FOXRED2: variants seen among roughly 807,000 people sequenced by gnomAD.
FOXRED2 encodes FAD dependent oxidoreductase domain containing 2.
Under a neutral mutation model 52.5 loss-of-function variants are expected in FOXRED2, and 32 were observed. That is an observed-to-expected ratio of 0.61 (90% CI 0.46 to 0.82). FOXRED2 has a LOEUF of 0.82. Among genes scored for constraint, FOXRED2 ranks in the 40% least tolerant of loss-of-function variants. FOXRED2 has a pLI of 0.00. For missense variants in FOXRED2, 848 were observed against 937.5 expected (o/e 0.90, Z 1.25); for synonymous variants, 405 against 398.1 (o/e 1.02, Z -0.21).
chr22:36,489,800 C>T lies in FOXRED2; in HGVS notation c.*208G>A, dbSNP rs1933700447. On this transcript the variant is annotated 3_prime_UTR_variant, in exon 9 of 9. Transcript: ENST00000397224. The stretch of plus-strand genomic sequence containing the variant: ...CCACCTGGCAGAGGATGCCCTTCTG[C>T]CCCCTGACAGGAGGGAGGAGACCAC... 4.1e-6 allele frequency: 2 copies of T among 488,434 alleles called. No individual in the cohort carries two copies. Among genetic ancestry groups the T allele is most frequent in the South Asian group, 7.4e-5 (2 of 27,046 alleles). The allele number at this position is 488,434 out of a possible 1,614,324, so 30.3% of individuals were successfully genotyped here.
At chr22:36,492,926 A>G (rs1342713954) in intron 8 of FOXRED2, among the ~76,000 whole-genome samples, 1 of 152,238 alleles carries the variant, frequency 6.6e-6, no homozygotes, top group Non-Finnish European at 1.5e-5. Flanking sequence ...TACTGGTTGA[A>G]TATTTTCAGA....
Position 36,490,266 on chromosome 22 carries a change from C to T in FOXRED2, c.1797G>A (p.Glu599=), listed in dbSNP as rs1933720600. 2.5e-6 allele frequency: 4 copies of T among 1,592,952 alleles called. No homozygotes were observed. The South Asian group carries it at 4.4e-5, about 18-fold the overall frequency. ...LDTDLRSFYA[E]SCFLFALTRQ... is the part of the protein sequence containing the mutation. ...GCGTGAGGGCGAACAGGAAGCAGGA[C>T]TCTACACAAAAGCAAAATGAGGAGA... Residue 599 remains glutamate (E), a splice_region_variant and synonymous_variant, in exon 9 of 9, where the codon GAG becomes GAA. Transcript: ENST00000397224.
intron 2 of FOXRED2, among the ~76,000 whole-genome samples, chr22:36,505,329 G>A (rs1298456248): frequency 6.6e-6 from 1 of 152,222 alleles, no homozygotes; most frequent in Admixed American, 6.5e-5. Context: ...CCTAAAAGCA[G>A]CAGAGCCAGA....
At chr22:36,491,849 T>A (rs559047847) in intron 8 of FOXRED2, among the ~76,000 whole-genome samples, 2 of 152,154 alleles carry the variant, frequency 1.3e-5, no homozygotes, top group Non-Finnish European at 2.9e-5. Context: ...CAAGTACTTA[T>A]AAGACTTTAA....
At chr22:36,501,524 G>A (rs947971574) in intron 4 of FOXRED2, 117 bp from the exon 5 acceptor site, 2 of 976,100 alleles carry the variant, frequency 2.0e-6, no homozygotes, top group Non-Finnish European at 3.1e-6. Context: ...ACAATGGCGT[G>A]ATCTCGGCTC....
At chr22:36,498,454 C>T in intron 5 of FOXRED2, 1 of 317,332 alleles carries the variant, frequency 3.2e-6, no homozygotes, top group Non-Finnish European at 5.9e-6. Flanking sequence ...GCCAAGACAA[C>T]AGGCAAAGGA....
chr22:36,494,787 A>C (rs911494711), intron 7 of FOXRED2, among the ~76,000 whole-genome samples: 4 of 151,552 alleles, frequency 2.6e-5, no homozygotes, highest in African/African-American at 9.7e-5. Context: ...CTACAGGCGC[A>C]CGCCACCACG....
intron 1 of FOXRED2, 150 bp downstream of exon 1, chr22:36,506,859 A>C (rs1934214201): frequency 6.3e-6 from 1 of 158,550 alleles, no homozygotes; most frequent in Admixed American, 6.4e-5. Flanking sequence ...GCCCCCTGCC[A>C]GGGTCCGCGC....
chr22:36,501,034 C>T (rs544874078), intron 5 of FOXRED2, among the ~76,000 whole-genome samples: 29 of 152,284 alleles, frequency 1.9e-4, no homozygotes, highest in Non-Finnish European at 3.7e-4. Flanking sequence ...GGACTACAGG[C>T]GTGGACTTTT....
At chr22:36,503,079 C>T (rs181679694) in intron 4 of FOXRED2, among the ~76,000 whole-genome samples, 2 of 151,952 alleles carry the variant, frequency 1.3e-5, no homozygotes, top group East Asian at 1.9e-4. Flanking sequence ...GCCTCGACCT[C>T]CTGGGCTCAA....
At chr22:36,506,478 C>G in intron 1 of FOXRED2, 55 bp from the exon 2 acceptor site, 2 of 1,405,170 alleles carry the variant, frequency 1.4e-6, no homozygotes, top group Non-Finnish European at 1.9e-6. Flanking sequence ...CTGGGAGACA[C>G]GAGGCCCAGA....
intron 2 of FOXRED2, 28 bp downstream of exon 2, chr22:36,505,868 C>T (rs751053723): frequency 4.4e-6 from 7 of 1,597,058 alleles, no homozygotes; most frequent in Admixed American, 1.7e-5. Flanking sequence ...TCCCAGCTTC[C>T]GCAGGTGAGC....
intron 5 of FOXRED2, among the ~76,000 whole-genome samples, chr22:36,498,951 T>C (rs1603495073): frequency 1.3e-5 from 2 of 152,218 alleles, no homozygotes; most frequent in African/African-American, 4.8e-5. Flanking sequence ...ATTATGATTT[T>C]TGAGACAGAG....
rs906405807 is a variant in FOXRED2, at chr22:36,489,082, C to G, written c.*926G>C. 12 of 152,216 alleles carry G rather than the reference C, an allele frequency of 7.9e-5. No homozygotes were observed. The allele number at this position is 152,216 out of a possible 1,614,324, so 9.4% of individuals were successfully genotyped here. Reference sequence around the variant, plus strand: ...CACACAAAGGCATTTGGAAATGTCACCTTACACATGGTGAGCACATATGGG... The same window carrying G: ...CACACAAAGGCATTTGGAAATGTCAGCTTACACATGGTGAGCACATATGGG... On this transcript the variant is annotated 3_prime_UTR_variant, in exon 9 of 9. Coordinates refer to ENST00000397224, the MANE Select transcript of FOXRED2 (RefSeq NM_001102371.2).
chr22:36,501,046 C>T (rs1934029104), intron 5 of FOXRED2, among the ~76,000 whole-genome samples, 195 bp downstream of exon 5: 1 of 152,140 alleles, frequency 6.6e-6, no homozygotes, highest in African/African-American at 2.4e-5. Context: ...TGGACTTTTA[C>T]ACTTTATCTG....
chr22:36,503,231 T>C (rs1364946106), intron 4 of FOXRED2, among the ~76,000 whole-genome samples: 1 of 151,484 alleles, frequency 6.6e-6, no homozygotes, highest in Non-Finnish European at 1.5e-5. Flanking sequence ...TGAAGTAGTA[T>C]GCCTGCCTTG....
rs148433008 is a variant in FOXRED2, at chr22:36,504,568, G to A, written c.726C>T (p.Leu242=). The change falls in exon 3 of 9, where the codon CTC becomes CTT. Residue 242 remains leucine (L), a synonymous_variant. Transcript: ENST00000397224. ...ILGVTNFIHM[L]SRSRVRLSWA... ...AGGACAGACGGACCCGGGAGCGGCT[G>A]AGCATATGGATAAAGTTTGTGACAC... The A allele has an allele frequency of 6.2e-7, 1 of 1,614,202 alleles. No homozygotes were observed. Among genetic ancestry groups the A allele is most frequent in the Non-Finnish European group, 8.5e-7 (1 of 1,180,040 alleles).
intron 2 of FOXRED2, among the ~76,000 whole-genome samples, chr22:36,505,620 A>C (rs554078157): frequency 2.6e-4 from 40 of 152,108 alleles, no homozygotes; most frequent in South Asian, 1.5e-3. Flanking sequence ...AATATAAAAA[A>C]ATTAGCCGGG....
At chr22:36,492,323 C>T (rs552472294) in intron 8 of FOXRED2, among the ~76,000 whole-genome samples, 6 of 152,334 alleles carry the variant, frequency 3.9e-5, no homozygotes, top group South Asian at 2.1e-4. Context: ...AACAGAGGGA[C>T]GGCTGCCACT....
Sources: gnomAD v4.1 joint callset for allele counts (sites outside exome capture counted in the v4.1 genomes callset) on GRCh38, gnomAD v4.1.1 for gene constraint, MANE v1.5 for transcripts, NCBI Gene and HGNC (gene_info 2026-07-23, HGNC 2026-07-21) for gene names.